Variants in RAE1 observed in about 807,000 individuals in gnomAD.
RAE1 encodes mRNA export factor RAE1.
A neutral mutation model predicts 52.7 loss-of-function variants in RAE1; 13 were observed. The observed-to-expected ratio is 0.25, with a 90% confidence interval of 0.16 to 0.39. The LOEUF (loss-of-function observed/expected upper bound fraction) is 0.39. Among genes scored for constraint, RAE1 ranks in the 10% least tolerant of loss-of-function variants. The probability of loss-of-function intolerance (pLI) is 1.00; values close to 1 mark genes in which losing one functional copy is unlikely to be tolerated. For synonymous variants in RAE1, 164 were observed against 153.1 expected, an observed-to-expected ratio of 1.07 and a Z score of -0.52; for missense variants, 262 against 459.8, an observed-to-expected ratio of 0.57 and a Z score of 3.93.
intron 3 of RAE1, among the ~76,000 whole-genome samples, 177 bp from the exon 4 acceptor site, chr20:57,356,269 G>A (rs2066785096): frequency 6.6e-6 from 1 of 152,110 alleles, no homozygotes; most frequent in Admixed American, 6.5e-5. Context: ...AATAGCTTAG[G>A]CGAAGAAAAC....
intron 10 of RAE1, among the ~76,000 whole-genome samples, chr20:57,373,954 C>A (rs916132790): frequency 6.6e-6 from 1 of 152,142 alleles, no homozygotes; most frequent in Non-Finnish European, 1.5e-5. Context: ...AGTGCAGTGG[C>A]GTGATATCAC....
chr20:57,360,694 T>A (rs2066879004), intron 4 of RAE1, among the ~76,000 whole-genome samples: 1 of 152,234 alleles, frequency 6.6e-6, no homozygotes, highest in South Asian at 2.1e-4. Context: ...AGCTTAGCAC[T>A]CTTTACGCCA....
rs754520850 is a variant in RAE1, at chr20:57,374,588, T to A, written c.826-19T>A. 2 of 1,601,252 alleles carry A rather than the reference T, an allele frequency of 1.2e-6. No homozygotes were observed. Among genetic ancestry groups the A allele is most frequent in the South Asian group, 1.1e-5 (1 of 88,966 alleles). ...CGCCCCTCTGCCTGGCTTCTCATTG[T>A]GCATGTCAATCCTTGCAGGTAAATG... On this transcript the variant is annotated intron_variant, in intron 10 of 11. Transcript: ENST00000395841.
intron 11 of RAE1, among the ~76,000 whole-genome samples, chr20:57,377,524 C>T (rs1346344140): frequency 6.6e-6 from 1 of 152,192 alleles, no homozygotes; most frequent in African/African-American, 2.4e-5. Flanking sequence ...GACGTGCACA[C>T]CTCCGCACAC....
intron 1 of RAE1, chr20:57,351,642 C>T (rs2066710730): frequency 3.0e-6 from 3 of 985,544 alleles, no homozygotes; most frequent in East Asian, 1.1e-4. Context: ...GGAACTGAGC[C>T]TCTGGGAAGG....
At chr20:57,355,582 A>G (rs2066773564) in intron 3 of RAE1, among the ~76,000 whole-genome samples, 1 of 152,238 alleles carries the variant, frequency 6.6e-6, no homozygotes, top group South Asian at 2.1e-4. Context: ...GAAATCTGAT[A>G]ATGTACTTCA....
chr20:57,354,928 C>T (rs918609771), intron 3 of RAE1, 112 bp downstream of exon 3: 5 of 746,046 alleles, frequency 6.7e-6, no homozygotes, highest in Non-Finnish European at 1.0e-5. Context: ...TATTTATGGC[C>T]TTTTTTGAGA....
chr20:57,360,546 T>A (rs561252882), intron 4 of RAE1, among the ~76,000 whole-genome samples: 1 of 152,336 alleles, frequency 6.6e-6, no homozygotes, highest in East Asian at 1.9e-4. Context: ...GTTTTGTTAA[T>A]GTAACTGTTA....
chr20:57,376,639 A>T (rs964120701), intron 11 of RAE1, among the ~76,000 whole-genome samples: 1 of 152,314 alleles, frequency 6.6e-6, no homozygotes, highest in African/African-American at 2.4e-5. Context: ...TGTGTAAGCC[A>T]TGCACTCAGT....
chr20:57,353,253 A>G (rs146246538), intron 1 of RAE1, among the ~76,000 whole-genome samples: 73 of 152,340 alleles, frequency 4.8e-4, no homozygotes, highest in African/African-American at 1.7e-3. Flanking sequence ...TAGATACTGC[A>G]TTTTCTACAT....
chr20:57,352,155 T>G (rs920742431), intron 1 of RAE1, among the ~76,000 whole-genome samples: 4 of 117,958 alleles, frequency 3.4e-5, no homozygotes, highest in African/African-American at 4.7e-5. Flanking sequence ...TGTGACAGCT[T>G]TATTGAAGTA....
intron 4 of RAE1, among the ~76,000 whole-genome samples, chr20:57,361,114 GAAAT>G (rs1162502364): frequency 2.0e-5 from 3 of 147,986 alleles, no homozygotes; most frequent in African/African-American, 7.9e-5. Flanking sequence ...AAGAAAGAAA[GAAAT>G]AGAAATAGTT....
intron 1 of RAE1, among the ~76,000 whole-genome samples, chr20:57,352,264 C>G (rs936797728): frequency 6.6e-6 from 1 of 152,182 alleles, no homozygotes; most frequent in Non-Finnish European, 1.5e-5. Context: ...GGGACATTTT[C>G]ATCACCCCAA....
intron 11 of RAE1, among the ~76,000 whole-genome samples, chr20:57,376,025 C>T (rs2067109825): frequency 6.6e-6 from 1 of 152,254 alleles, no homozygotes; most frequent in Non-Finnish European, 1.5e-5. Flanking sequence ...CCACACAAGC[C>T]AGTGACTGGA....
rs1429530061 is a variant in RAE1, at chr20:57,373,645, T to A, written c.750-18T>A. 6.2e-7 allele frequency: 1 copy of A among 1,613,990 alleles called. No individual in the cohort carries two copies. Among genetic ancestry groups the A allele is most frequent in the Admixed American group, 1.7e-5 (1 of 60,024 alleles). On this transcript the variant is annotated intron_variant, in intron 9 of 11. Transcript: ENST00000395841. ...TTTTTTTAACAAAGGAAGACTTACA[T>A]GAACCTTTGTCTTTCAGCGCCAAAG... is the stretch of plus-strand genomic sequence containing the variant.
rs2066704874 is a variant in RAE1 at position 57,351,292 on chromosome 20, T to C, written c.-138T>C. 1 of 985,290 alleles carries C rather than the reference T, an allele frequency of 1.0e-6. No homozygotes were observed. Among genetic ancestry groups the C allele is most frequent in the African/African-American group, 1.7e-5 (1 of 57,236 alleles). 61.0% of individuals were successfully genotyped at this position (985,290 alleles called of 1,614,324 possible). ...GTCAGGGCAGTTTCTACCGCAGGCT[T>C]AAGGAGGCTTCGGGCTCCTGGGATT... On this transcript the variant is annotated 5_prime_UTR_variant, in exon 1 of 12. Transcript: ENST00000395841.
At chr20:57,377,496 C>T (rs746828018) in intron 11 of RAE1, among the ~76,000 whole-genome samples, 1 of 152,222 alleles carries the variant, frequency 6.6e-6, no homozygotes, top group African/African-American at 2.4e-5. Flanking sequence ...TGCATCCCCT[C>T]CGGTGTGGGC....
intron 11 of RAE1, among the ~76,000 whole-genome samples, chr20:57,376,192 T>C (rs2067112109): frequency 6.6e-6 from 1 of 152,212 alleles, no homozygotes; most frequent in Non-Finnish European, 1.5e-5. Flanking sequence ...TGCTGCTGCT[T>C]CTGTGTTTCC....
At chr20:57,373,958 A>T (rs1255791664) in intron 10 of RAE1, among the ~76,000 whole-genome samples, 2 of 152,150 alleles carry the variant, frequency 1.3e-5, no homozygotes, top group African/African-American at 4.8e-5. Context: ...CAGTGGCGTG[A>T]TATCACCTCA....
Sources: allele counts gnomAD v4.1 joint callset (sites outside exome capture counted in the v4.1 genomes callset), GRCh38; gene constraint gnomAD v4.1.1; transcripts MANE v1.5; gene names NCBI Gene and HGNC (gene_info 2026-07-23, HGNC 2026-07-21).